PLSCR2: variants seen among roughly 807,000 people sequenced by gnomAD.
PLSCR2 encodes the protein PL scramblase 2.
Under a neutral mutation model 25.3 loss-of-function variants are expected in PLSCR2, and 18 were observed. The ratio of observed to expected loss-of-function variants is 0.71; its 90% CI spans 0.49 to 1.06. The LOEUF (loss-of-function observed/expected upper bound fraction) is 1.06, where lower values mean the gene tolerates loss of function less well. Among genes scored for constraint, PLSCR2 ranks in the 50% least tolerant of loss-of-function variants. PLSCR2 has a pLI of 0.00. For synonymous variants in PLSCR2, 88 were observed against 87.3 expected, an observed-to-expected ratio of 1.01 and a Z score of -0.04; for missense variants, 243 against 269.5, an observed-to-expected ratio of 0.90 and a Z score of 0.69.
In PLSCR2 at chr3:146,403,589, G is replaced by A. The variant is rs1450725103; in HGVS notation, c.101-7668C>T. ...ACTTCTTAAATTATGAGTTACTGTG[G>A]CTATTTCTCTCCTTTGAATTTCCAC... is the stretch of plus-strand genomic sequence containing the variant. On this transcript the variant is annotated intron_variant and NMD_transcript_variant, in intron 2 of 3. Transcript: ENST00000463633. Among the ~76,000 whole-genome samples the A allele has an allele frequency of 2.6e-5, 4 of 151,938 alleles. No individual in the cohort carries two copies. The East Asian group carries it at 5.8e-4, about 22-fold the overall frequency.
chr3:146,406,439 C>T (rs1417625942), intron 2 of PLSCR2, among the ~76,000 whole-genome samples: 1 of 152,050 alleles, frequency 6.6e-6, no homozygotes, highest in Non-Finnish European at 1.5e-5. Flanking sequence ...GCTCTGGGAA[C>T]AGTACACATA....
chr3:146,469,359 G>A (rs1354862250), intron 1 of PLSCR2, 136 bp downstream of exon 1: 9 of 969,738 alleles, frequency 9.3e-6, no homozygotes, highest in Admixed American at 6.1e-5. Flanking sequence ...TTCCACTTCA[G>A]GTGTCGCTTC....
At chr3:146,411,762 G>A (rs2038860438) in intron 2 of PLSCR2, among the ~76,000 whole-genome samples, 1 of 152,218 alleles carries the variant, frequency 6.6e-6, no homozygotes, top group Admixed American at 6.5e-5. Context: ...AGGGGAGGGG[G>A]TCTAGTTAAA....
intron 1 of PLSCR2, among the ~76,000 whole-genome samples, chr3:146,471,047 G>T (rs374717767): frequency 6.6e-6 from 1 of 150,916 alleles, no homozygotes; most frequent in Non-Finnish European, 1.5e-5. Flanking sequence ...TTGTTTTTTT[G>T]TTTTTTTTTT....
downstream of PLSCR2, among the ~76,000 whole-genome samples, chr3:146,430,547 T>C (rs183999872): frequency 2.0e-4 from 30 of 152,328 alleles, no homozygotes; most frequent in African/African-American, 7.2e-4. Flanking sequence ...AGCAATTCTC[T>C]ATTGAGTTTT....
At chr3:146,403,605 GAATTTCCAC>G (rs1210307991) in intron 2 of PLSCR2, among the ~76,000 whole-genome samples, 2 of 151,940 alleles carry the variant, frequency 1.3e-5, no homozygotes, top group Admixed American at 6.6e-5. Flanking sequence ...TCTCTCCTTT[GAATTTCCAC>G]AATTAGTTTT....
chr3:146,476,893 GT>G (rs1287763698), intron 1 of PLSCR2, among the ~76,000 whole-genome samples: 1 of 152,220 alleles, frequency 6.6e-6, no homozygotes, highest in Non-Finnish European at 1.5e-5. Flanking sequence ...GATAGTCATG[GT>G]CTCCATGGAC....
intron 2 of PLSCR2, among the ~76,000 whole-genome samples, chr3:146,414,123 T>G (rs2038937364): frequency 6.6e-6 from 1 of 152,158 alleles, no homozygotes; most frequent in South Asian, 2.1e-4. Context: ...AGATGCATCC[T>G]TTTATCAGGA....
At chr3:146,411,849 G>C (rs2038864755) in intron 2 of PLSCR2, among the ~76,000 whole-genome samples, 1 of 152,114 alleles carries the variant, frequency 6.6e-6, no homozygotes, top group African/African-American at 2.4e-5. Context: ...TCCAGGTGCA[G>C]GGACTTTAAG....
chr3:146,433,484 T>C (rs555708698), exon 9 of PLSCR2: 19 of 152,240 alleles, frequency 1.2e-4, no homozygotes, highest in African/African-American at 3.4e-4. Flanking sequence ...AGATCAGTTA[T>C]AGTTTCATTT....
At chr3:146,491,222 G>T (rs1428235984) in intron 1 of PLSCR2, among the ~76,000 whole-genome samples, 1 of 152,028 alleles carries the variant, frequency 6.6e-6, no homozygotes, top group Non-Finnish European at 1.5e-5. Context: ...TCTGCTGTTA[G>T]ACTACTAGGG....
intron 3 of PLSCR2, among the ~76,000 whole-genome samples, chr3:146,455,727 G>C (rs545711758): frequency 3.3e-5 from 5 of 152,306 alleles, no homozygotes; most frequent in Non-Finnish European, 4.4e-5. Context: ...TGTGAGAAGA[G>C]AGACTTTGCT....
chr3:146,429,488 G>A (rs79195894), downstream of PLSCR2, among the ~76,000 whole-genome samples: 661 of 152,210 alleles, frequency 4.3e-3, 2 homozygotes, highest in African/African-American at 0.015. Flanking sequence ...CTTTGTGGAA[G>A]GTTGAACTTA....
intron 6 of PLSCR2, 145 bp downstream of exon 6, chr3:146,449,061 G>T: frequency 1.6e-6 from 1 of 637,736 alleles, no homozygotes. Flanking sequence ...GAATCAAATA[G>T]AATTTCAGTG....
At chr3:146,480,056 G>A (rs1331579968) in intron 1 of PLSCR2, among the ~76,000 whole-genome samples, 1 of 152,028 alleles carries the variant, frequency 6.6e-6, no homozygotes, top group East Asian at 1.9e-4. Flanking sequence ...AAGACAAAGT[G>A]TACCAGAATT....
downstream of PLSCR2, among the ~76,000 whole-genome samples, chr3:146,439,288 A>T (rs914974406): frequency 7.9e-5 from 12 of 152,016 alleles, no homozygotes; most frequent in Non-Finnish European, 1.3e-4. Flanking sequence ...TCTTTGTGGC[A>T]TTCTCTGTAT....
intron 1 of PLSCR2, among the ~76,000 whole-genome samples, chr3:146,482,885 C>G (rs1365488350): frequency 2.6e-5 from 4 of 152,140 alleles, no homozygotes; most frequent in East Asian, 1.9e-4. Flanking sequence ...CCGTGGAATA[C>G]TATGCAGCCA....
At chr3:146,403,298 G>C (rs117380022) in intron 2 of PLSCR2, among the ~76,000 whole-genome samples, 2,161 of 152,308 alleles carry the variant, frequency 0.014, 140 homozygotes, top group Admixed American at 0.11. Flanking sequence ...TTACATGGAA[G>C]TGTCTTCATT....
intron 2 of PLSCR2, among the ~76,000 whole-genome samples, chr3:146,404,497 G>A (rs1391371062): frequency 2.0e-5 from 3 of 152,174 alleles, no homozygotes; most frequent in Non-Finnish European, 4.4e-5. Flanking sequence ...ATTGCATTGA[G>A]AATTAAGTTT....
Sources: gnomAD v4.1 joint callset for allele counts (sites outside exome capture counted in the v4.1 genomes callset) on GRCh38, gnomAD v4.1.1 for gene constraint, MANE v1.5 for transcripts, NCBI Gene and HGNC (gene_info 2026-07-23, HGNC 2026-07-21) for gene names.